CNTNAP5: variants seen among roughly 807,000 people sequenced by gnomAD.
CNTNAP5 encodes the protein contactin-associated protein-like 5.
CNTNAP5 carries 72 observed loss-of-function variants against 150.2 expected under a neutral mutation model. The ratio of observed to expected loss-of-function variants is 0.48; its 90% CI spans 0.40 to 0.58. The LOEUF (loss-of-function observed/expected upper bound fraction) is 0.58, where lower values mean the gene tolerates loss of function less well. CNTNAP5 is among the 20% of genes least tolerant of loss of function. The pLI is 0.00. For missense variants in CNTNAP5, 1,636 were observed against 1,626.2 expected, an observed-to-expected ratio of 1.01 and a Z score of -0.10; for synonymous variants, 672 against 619.8, an observed-to-expected ratio of 1.08 and a Z score of -1.25.
At chr2:124,616,044 A>G (rs1677486240) in intron 12 of CNTNAP5, among the ~76,000 whole-genome samples, 2 of 151,862 alleles carry the variant, frequency 1.3e-5, no homozygotes, top group South Asian at 4.1e-4. Flanking sequence ...AGGCTTTATT[A>G]TTCCATTTAG....
chr2:124,337,565 G>T (rs1309714863), intron 3 of CNTNAP5, among the ~76,000 whole-genome samples: 4 of 152,142 alleles, frequency 2.6e-5, no homozygotes, highest in African/African-American at 9.7e-5. Context: ...GTGTAAGGAA[G>T]GGATCCAGTT....
intron 3 of CNTNAP5, among the ~76,000 whole-genome samples, chr2:124,250,983 C>CTGAT (rs1687158618): frequency 6.6e-6 from 1 of 152,094 alleles, no homozygotes; most frequent in Admixed American, 6.6e-5. Context: ...ATTTTAGTCA[C>CTGAT]TGATTATGTG....
At chr2:124,072,746 A>G (rs1356820940) in intron 1 of CNTNAP5, among the ~76,000 whole-genome samples, 1 of 152,058 alleles carries the variant, frequency 6.6e-6, no homozygotes, top group Non-Finnish European at 1.5e-5. Context: ...ATATTCATGC[A>G]TCAGGTGAAT....
At chr2:124,422,182 G>A (rs1692120901) in intron 4 of CNTNAP5, among the ~76,000 whole-genome samples, 1 of 152,176 alleles carries the variant, frequency 6.6e-6, no homozygotes, top group South Asian at 2.1e-4. Context: ...ATAATCTGTT[G>A]TAGTTTCTAA....
intron 3 of CNTNAP5, among the ~76,000 whole-genome samples, chr2:124,337,339 T>C (rs988108329): frequency 2.0e-5 from 3 of 152,196 alleles, no homozygotes; most frequent in Admixed American, 1.3e-4. Context: ...TTCACTCTGA[T>C]GGTACTTTCT....
chr2:124,128,558 T>C (rs900977461), intron 1 of CNTNAP5, among the ~76,000 whole-genome samples: 1 of 152,208 alleles, frequency 6.6e-6, no homozygotes, highest in Non-Finnish European at 1.5e-5. Context: ...ATCCCATTAC[T>C]GGGTATATAC....
intron 13 of CNTNAP5, among the ~76,000 whole-genome samples, chr2:124,715,094 C>T (rs935357140): frequency 1.3e-5 from 2 of 152,122 alleles, no homozygotes; most frequent in East Asian, 1.9e-4. Flanking sequence ...CCCAGTAATG[C>T]GGAGTGTGTT....
intron 11 of CNTNAP5, among the ~76,000 whole-genome samples, chr2:124,574,420 C>G (rs1449902973): frequency 6.6e-6 from 1 of 152,186 alleles, no homozygotes; most frequent in Non-Finnish European, 1.5e-5. Context: ...CTTATCTTAG[C>G]CATTTTATAA....
At chr2:124,274,284 T>A (rs951195541) in intron 3 of CNTNAP5, among the ~76,000 whole-genome samples, 2 of 152,174 alleles carry the variant, frequency 1.3e-5, no homozygotes, top group African/African-American at 2.4e-5. Flanking sequence ...ATTTTTAACA[T>A]CTTTCACAGA....
chr2:124,489,653 T>C (rs192307626), intron 7 of CNTNAP5, among the ~76,000 whole-genome samples: 1 of 152,122 alleles, frequency 6.6e-6, no homozygotes, highest in African/African-American at 2.4e-5. Context: ...AAAACAAAAC[T>C]AAAATATAGG....
chr2:124,205,604 A>G (rs2104716442), intron 1 of CNTNAP5, among the ~76,000 whole-genome samples: 1 of 152,066 alleles, frequency 6.6e-6, no homozygotes, highest in African/African-American at 2.4e-5. Context: ...TTTTTAGTAG[A>G]GATGGGGTTT....
intron 3 of CNTNAP5, among the ~76,000 whole-genome samples, chr2:124,299,251 G>A (rs1688514537): frequency 6.6e-6 from 1 of 152,116 alleles, no homozygotes; most frequent in Admixed American, 6.5e-5. Context: ...CCAGTGCACA[G>A]GCTGGTTGGA....
At chr2:124,636,835 G>A (rs1194934617) in intron 12 of CNTNAP5, among the ~76,000 whole-genome samples, 1 of 151,736 alleles carries the variant, frequency 6.6e-6, no homozygotes, top group Non-Finnish European at 1.5e-5. Flanking sequence ...AAAATAATGA[G>A]TAGCCAGATA....
At chr2:124,588,157 T>TCCTTCCTTCCTTCCTTTTCCTTCC (rs59736295) in intron 11 of CNTNAP5, among the ~76,000 whole-genome samples, 1 of 79,282 alleles carries the variant, frequency 1.3e-5, no homozygotes, top group East Asian at 3.7e-4. Context: ...CTTCCTTCCT[T>TCCTTCCTTCCTTCCTTTTCCTTCC]TTCCTTCCTT....
chr2:124,432,559 G>A (rs2104792838), intron 4 of CNTNAP5, among the ~76,000 whole-genome samples: 1 of 152,282 alleles, frequency 6.6e-6, no homozygotes, highest in East Asian at 1.9e-4. Context: ...GGGACACTAT[G>A]TGGTCCTTCC....
At position 124,050,292 on chromosome 2, in the gene CNTNAP5, C is replaced by T. The variant is rs550539875; in HGVS notation, c.82+24560C>T. Reference sequence around the variant, plus strand: ...CAGCCCCGGCAACGTGGCAAAACCCCATCTCTACGAAAATACAAAACATTA... The same window carrying T: ...CAGCCCCGGCAACGTGGCAAAACCCTATCTCTACGAAAATACAAAACATTA... On this transcript the variant is annotated intron_variant, in intron 1 of 23. Transcript: ENST00000682447. Among the ~76,000 whole-genome samples, 24 of 152,036 alleles carry T rather than the reference C, an allele frequency of 1.6e-4. No homozygotes were observed. The East Asian group carries it at 4.5e-3, about 28-fold the overall frequency.
intron 13 of CNTNAP5, among the ~76,000 whole-genome samples, chr2:124,710,143 C>T (rs1042862969): frequency 6.6e-6 from 1 of 152,026 alleles, no homozygotes; most frequent in Non-Finnish European, 1.5e-5. Context: ...AAGAGAAAAC[C>T]CAAGGGACCC....
intron 7 of CNTNAP5, among the ~76,000 whole-genome samples, chr2:124,493,930 A>C (rs2104852851): frequency 6.7e-6 from 1 of 148,414 alleles, no homozygotes; most frequent in South Asian, 2.3e-4. Flanking sequence ...TTGTGGGCTA[A>C]AAAAAGTAGT....
intron 4 of CNTNAP5, among the ~76,000 whole-genome samples, chr2:124,423,906 C>T (rs1009819771): frequency 4.6e-4 from 70 of 151,580 alleles, no homozygotes; most frequent in Middle Eastern, 3.4e-3. Flanking sequence ...CCTCGTGATC[C>T]GCCCGCCTCG....
Sources: allele counts gnomAD v4.1 joint callset (sites outside exome capture counted in the v4.1 genomes callset), GRCh38; gene constraint gnomAD v4.1.1; transcripts MANE v1.5; gene names NCBI Gene and HGNC (gene_info 2026-07-23, HGNC 2026-07-21).